The following MGST1 variants were observed in gnomAD, a reference collection of about 807,000 sequenced individuals.
The protein encoded by MGST1 is glutathione S-transferase 12.
Under a neutral mutation model 8.9 loss-of-function variants are expected in MGST1, and 5 were observed. The observed-to-expected ratio is 0.56, with a 90% CI of 0.29 to 1.19. The LOEUF (loss-of-function observed/expected upper bound fraction) is 1.19, where lower values mean the gene tolerates loss of function less well. MGST1 is among the 50% of genes most tolerant of loss of function. MGST1 has a pLI of 0.08. For synonymous variants in MGST1, 54 were observed against 67.8 expected, an observed-to-expected ratio of 0.80 and a Z score of 1.00; for missense variants, 182 against 187.4, an observed-to-expected ratio of 0.97 and a Z score of 0.17.
At chr12:16,444,551 A>G (rs886175356) in intron 4 of MGST1, among the ~76,000 whole-genome samples, 3 of 151,898 alleles carry the variant, frequency 2.0e-5, no homozygotes, top group African/African-American at 4.8e-5. Flanking sequence ...CAATACAGAC[A>G]CCATCATTTT....
At chr12:16,441,746 A>C (rs1941041273), downstream of MGST1, among the ~76,000 whole-genome samples, 1 of 151,848 alleles carries the variant, frequency 6.6e-6, no homozygotes, top group Admixed American at 6.6e-5. Context: ...CCTACTGAAG[A>C]ACATTTTGGT....
At chr12:16,472,924 G>C (rs747776118) in intron 4 of MGST1, among the ~76,000 whole-genome samples, 5 of 152,100 alleles carry the variant, frequency 3.3e-5, no homozygotes, top group Non-Finnish European at 7.4e-5. Context: ...TCCTTGCATC[G>C]GTTTCTTAGC....
chr12:16,426,601 A>G (rs925660279), intron 1 of MGST1, among the ~76,000 whole-genome samples: 1 of 152,168 alleles, frequency 6.6e-6, no homozygotes, highest in Non-Finnish European at 1.5e-5. Flanking sequence ...ATTTCACTAC[A>G]TGCATTTGTA....
In MGST1 at chr12:16,548,489, T is replaced by A. The variant is rs1302654229; in HGVS notation, n.483-41039T>A. ...GAAATTACAAACACAGGTCAACTTTTAAACTCAGCACTCTGTTGGAGTGGA... is the reference window on the plus strand; with the variant it reads ...GAAATTACAAACACAGGTCAACTTTAAAACTCAGCACTCTGTTGGAGTGGA... On this transcript the variant is annotated intron_variant and non_coding_transcript_variant, in intron 4 of 4. Coordinates refer to the MGST1 transcript ENST00000538857. This position sits in a 1 kb window ranked among gnomAD's most constrained non-coding sequence, Gnocchi z 4.2. 4 of 152,182 alleles carry A rather than the reference T, an allele frequency of 2.6e-5. No individual in the cohort carries two copies. Among genetic ancestry groups the A allele is most frequent in the African/African-American group, 9.6e-5 (4 of 41,458 alleles). 9.4% of individuals were successfully genotyped at this position (152,182 alleles called of 1,614,324 possible).
At chr12:16,423,466 T>A (rs994314594) in intron 1 of MGST1, among the ~76,000 whole-genome samples, 1 of 149,172 alleles carries the variant, frequency 6.7e-6, no homozygotes, top group Admixed American at 6.7e-5. Flanking sequence ...TTATTATTTA[T>A]CCTCTAGAAT....
At position 16,585,750 on chromosome 12, in the gene MGST1, C is replaced by T. The variant is rs1250672320; in HGVS notation, n.483-3778C>T. Among the ~76,000 whole-genome samples the T allele has an allele frequency of 1.3e-5, 2 of 152,112 alleles. No individual in the cohort carries two copies. Among genetic ancestry groups the T allele is most frequent in the Non-Finnish European group, 2.9e-5 (2 of 68,006 alleles). On this transcript the variant is annotated intron_variant and non_coding_transcript_variant, in intron 4 of 4. Coordinates refer to the MGST1 transcript ENST00000538857. This position sits in a 1 kb window ranked among gnomAD's most constrained non-coding sequence, Gnocchi z 4.7. ...AAAGGAAAATATGGGTGAGAAATTA[C>T]AAAAGGCTGGAGAATCAATTAACAT...
chr12:16,522,063 C>T (rs1296852009), intron 4 of MGST1, among the ~76,000 whole-genome samples: 2 of 152,074 alleles, frequency 1.3e-5, no homozygotes, highest in South Asian at 2.1e-4. Flanking sequence ...TTTTGCAGTC[C>T]CAACATGAGA....
intron 1 of MGST1, among the ~76,000 whole-genome samples, chr12:16,422,424 T>C (rs993018918): frequency 6.6e-6 from 1 of 152,126 alleles, no homozygotes; most frequent in African/African-American, 2.4e-5. Flanking sequence ...CATAACAAAA[T>C]GGCCTATTTT....
chr12:16,388,387 G>T (rs1940523222), intron 1 of MGST1, among the ~76,000 whole-genome samples: 1 of 152,114 alleles, frequency 6.6e-6, no homozygotes, highest in South Asian at 2.1e-4. Flanking sequence ...GGAGGCCTAG[G>T]ATATTACTTG....
chr12:16,378,611 G>T (rs1376384831), downstream of MGST1, among the ~76,000 whole-genome samples: 16 of 150,804 alleles, frequency 1.1e-4, no homozygotes, highest in African/African-American at 3.9e-4. Context: ...TTTGGCTTAG[G>T]ATTGACTTGG....
downstream of MGST1, among the ~76,000 whole-genome samples, chr12:16,365,743 G>GTA (rs1555096030): frequency 1.0e-5 from 1 of 100,374 alleles, no homozygotes; most frequent in Admixed American, 1.0e-4. Flanking sequence ...GCGTGCACGC[G>GTA]CACACACACA....
At chr12:16,391,401 G>A (rs1354786149) in intron 1 of MGST1, among the ~76,000 whole-genome samples, 1 of 149,264 alleles carries the variant, frequency 6.7e-6, no homozygotes, top group East Asian at 2.0e-4. Context: ...CCACTTTTGA[G>A]TGAGAACATG....
chr12:16,413,327 A>G lies in MGST1; in HGVS notation n.779-24061A>G, dbSNP rs1397360304. Among the ~76,000 whole-genome samples, 2 of 152,168 alleles carry G rather than the reference A, an allele frequency of 1.3e-5. No individual in the cohort carries two copies. Among genetic ancestry groups the G allele is most frequent in the African/African-American group, 4.8e-5 (2 of 41,434 alleles). On this transcript the variant is annotated intron_variant and non_coding_transcript_variant, in intron 1 of 1. Transcript: ENST00000359720. This position sits in a 1 kb window ranked among gnomAD's most constrained non-coding sequence, Gnocchi z 4.0. ...TAGCTGTCAAGGGAGAGTCTTACAGACACAACTGCCTGCATGTCCATGAAT... is the reference window on the plus strand; with the variant it reads ...TAGCTGTCAAGGGAGAGTCTTACAGGCACAACTGCCTGCATGTCCATGAAT...
chr12:16,540,811 AC>A (rs1941788688), intron 4 of MGST1, among the ~76,000 whole-genome samples: 1 of 152,000 alleles, frequency 6.6e-6, no homozygotes. Flanking sequence ...TGCACCTGTA[AC>A]CCCATGAGAA....
intron 4 of MGST1, among the ~76,000 whole-genome samples, chr12:16,448,636 A>G (rs1941102111): frequency 6.6e-6 from 1 of 151,966 alleles, no homozygotes; most frequent in South Asian, 2.1e-4. Flanking sequence ...TGTGTTATAG[A>G]TGAATAAAAA....
chr12:16,552,467 G>A (rs1309284289), intron 4 of MGST1, among the ~76,000 whole-genome samples: 1 of 152,048 alleles, frequency 6.6e-6, no homozygotes, highest in Admixed American at 6.6e-5. Flanking sequence ...ATGAGGAGCA[G>A]TTGGACTGAT....
intron 4 of MGST1, among the ~76,000 whole-genome samples, chr12:16,444,447 G>T (rs1369738112): frequency 6.6e-6 from 1 of 151,712 alleles, no homozygotes; most frequent in East Asian, 1.9e-4. Flanking sequence ...TTGCCAAAAT[G>T]TGCATAGACA....
intron 4 of MGST1, among the ~76,000 whole-genome samples, chr12:16,516,619 G>A (rs1293335840): frequency 6.6e-6 from 1 of 152,110 alleles, no homozygotes; most frequent in Admixed American, 6.5e-5. Context: ...CCCACATCAC[G>A]AATCTTGAGG....
At chr12:16,359,095 A>G (rs1346805935) in intron 3 of MGST1, among the ~76,000 whole-genome samples, 1 of 152,102 alleles carries the variant, frequency 6.6e-6, no homozygotes, top group Non-Finnish European at 1.5e-5. Context: ...TGTGGCTAAA[A>G]ATAGACTTGA....
Sources: gnomAD v4.1 joint callset for allele counts (sites outside exome capture counted in the v4.1 genomes callset) on GRCh38, gnomAD v4.1.1 for gene constraint, Gnocchi (gnomAD v3.1) non-coding constraint, MANE v1.5 for transcripts, NCBI Gene and HGNC (gene_info 2026-07-23, HGNC 2026-07-21) for gene names.